TMEM254: variants seen among roughly 807,000 people sequenced by gnomAD.
The protein encoded by TMEM254 is transmembrane protein 254, also known as transmembrane protein C10orf57.
In TMEM254, 16 loss-of-function variants were observed where a neutral mutation model predicts 13.9. The observed-to-expected ratio is 1.15, with a 90% CI of 0.78 to 1.75. The LOEUF is 1.75. Among genes scored for constraint, TMEM254 ranks in the 40% most tolerant of loss-of-function variants. The probability of loss-of-function intolerance (pLI) is 0.00; values close to 1 mark genes in which losing one functional copy is unlikely to be tolerated. For synonymous variants in TMEM254, 61 were observed against 56.4 expected, an observed-to-expected ratio of 1.08 and a Z score of -0.36; for missense variants, 155 against 149.0, an observed-to-expected ratio of 1.04 and a Z score of -0.21.
chr10:80,078,785 C>G lies in TMEM254; in HGVS notation c.86C>G (p.Thr29Arg), dbSNP rs200326310. 4.4e-4 allele frequency: 701 copies of G among 1,600,338 alleles called. 2 individuals are homozygous for G. In the Middle Eastern group the frequency reaches 7.9e-3, roughly 18 times the overall value. Residue 29 changes from threonine (T) to arginine (R), a missense_variant and splice_region_variant, in exon 1 of 4, where the codon ACA (threonine) becomes AGA (arginine). Physicochemically the swap from Thr to Arg is moderately conservative, Grantham distance 71. Coordinates refer to ENST00000372281, the MANE Select transcript of TMEM254 (RefSeq NM_025125.4). ...ATCACCCTCAGCTTTGGCTACTACACAGTAAGGACAGCCGCTGGAGCGCTA... is the reference window on the plus strand; with the variant it reads ...ATCACCCTCAGCTTTGGCTACTACAGAGTAAGGACAGCCGCTGGAGCGCTA... ...TVITLSFGYYTWVVFWPQSIP... is the reference protein window; with the variant it reads ...TVITLSFGYYRWVVFWPQSIP...
At position 80,078,748 on chromosome 10, in the gene TMEM254, T is replaced by C. The variant is rs889184646; in HGVS notation, c.49T>C (p.Trp17Arg). 2.0e-5 allele frequency: 32 copies of C among 1,608,996 alleles called. No individual in the cohort carries two copies. Among genetic ancestry groups the C allele is most frequent in the Non-Finnish European group, 2.6e-5 (31 of 1,178,116 alleles). ...ATYFQRGSLF[W>R]FTVITLSFGY... ...CTACTTTCAGCGAGGCAGTCTGTTC[T>C]GGTTCACAGTCATCACCCTCAGCTT... Residue 17 changes from tryptophan (W) to arginine (R), a missense_variant, in exon 1 of 4, where the codon TGG (tryptophan) becomes CGG (arginine). Physicochemically the swap from Trp to Arg is moderately radical, Grantham distance 101 (BLOSUM62 -3). Transcript: ENST00000372281.
intron 3 of TMEM254, among the ~76,000 whole-genome samples, chr10:80,087,549 A>T (rs1393713557): frequency 6.6e-6 from 1 of 151,708 alleles, no homozygotes; most frequent in Non-Finnish European, 1.5e-5. Context: ...GCTACTCAGG[A>T]GGCTGAGGTA....
intron 3 of TMEM254, among the ~76,000 whole-genome samples, chr10:80,082,782 GA>G (rs34417214): frequency 1.3e-5 from 2 of 152,048 alleles, no homozygotes; most frequent in South Asian, 2.1e-4. Context: ...GAGAATACAA[GA>G]AAAAATTATG....
At chr10:80,085,580 A>G (rs1442045779) in intron 3 of TMEM254, among the ~76,000 whole-genome samples, 2 of 151,660 alleles carry the variant, frequency 1.3e-5, no homozygotes, top group Non-Finnish European at 1.5e-5. Context: ...AAAAAAAAAG[A>G]CAAGAAAAAG....
intron 3 of TMEM254, among the ~76,000 whole-genome samples, chr10:80,083,993 G>A (rs1354088570): frequency 6.6e-6 from 1 of 152,126 alleles, no homozygotes; most frequent in African/African-American, 2.4e-5. Flanking sequence ...GCTGAGGCAC[G>A]AGAATCGCTT....
chr10:80,079,203 C>CGGGGGGG, intron 1 of TMEM254: 1 of 345,636 alleles, frequency 2.9e-6, no homozygotes, highest in Non-Finnish European at 5.1e-6. Context: ...TGGGGTGGGG[C>CGGGGGGG]GGGGCGGGCC....
intron 1 of TMEM254, chr10:80,079,372 C>T: frequency 8.6e-7 from 1 of 1,168,692 alleles, no homozygotes; most frequent in Non-Finnish European, 1.1e-6. Context: ...TCTTTGGGTC[C>T]TCACCTCTGC....
rs968865661 is a variant in TMEM254, at chr10:80,079,244, C to G, written c.87+458C>G. On this transcript the variant is annotated intron_variant, in intron 1 of 3. Coordinates refer to ENST00000372281, the MANE Select transcript of TMEM254 (RefSeq NM_025125.4). ...TTTGGCCCGCCGGGCCCTCGTAGGG[C>G]GAGGGGAGCTCTGGGAACGGGGCCT... 1.1e-5 allele frequency: 14 copies of G among 1,244,006 alleles called. No homozygotes were observed. The African/African-American group carries it at 2.1e-4, about 18-fold the overall frequency. 77.1% of individuals were successfully genotyped at this position (1,244,006 alleles called of 1,614,324 possible). A position where few individuals can be genotyped will look rare whatever the true frequency, so the allele number is the denominator to read the frequency against.
intron 3 of TMEM254, among the ~76,000 whole-genome samples, chr10:80,088,028 G>A (rs2132298358): frequency 6.6e-6 from 1 of 151,812 alleles, no homozygotes; most frequent in East Asian, 1.9e-4. Flanking sequence ...TCACATTTAA[G>A]TTTTCAGTCT....
chr10:80,087,229 C>A (rs1932575), intron 3 of TMEM254, among the ~76,000 whole-genome samples: 4 of 152,062 alleles, frequency 2.6e-5, no homozygotes, highest in Admixed American at 2.0e-4. Flanking sequence ...ACTTTTAAGT[C>A]TCTACTTTTT....
At chr10:80,086,189 A>C in intron 3 of TMEM254, 1 of 1,338,018 alleles carries the variant, frequency 7.5e-7, no homozygotes, top group Non-Finnish European at 9.9e-7. Context: ...ATGTGAATTA[A>C]ATTAAGAAAA....
chr10:80,079,186 T>A (rs1048805365), intron 1 of TMEM254: 1 of 1,214,336 alleles, frequency 8.2e-7, no homozygotes. Context: ...TACTTCGCGG[T>A]GAGGCGTGGG....
chr10:80,088,860 A>C (rs1479639000), intron 3 of TMEM254, among the ~76,000 whole-genome samples: 2 of 151,794 alleles, frequency 1.3e-5, no homozygotes, highest in African/African-American at 4.8e-5. Context: ...GGTCTCCCAA[A>C]GTGCTGGAAT....
Position 80,081,890 on chromosome 10 carries a change from TG to T in TMEM254, c.140del (p.Gly47AlafsTer24), listed in dbSNP as rs1564568284. 73 of 1,614,206 alleles carry T rather than the reference TG, an allele frequency of 4.5e-5. No homozygotes were observed. The highest frequency in any genetic ancestry group is 6.1e-5 in the Non-Finnish European group (72 of 1,180,018). On this transcript the variant is annotated frameshift_variant, in exon 2 of 4. Coordinates refer to ENST00000372281, the MANE Select transcript of TMEM254 (RefSeq NM_025125.4). LOFTEE classifies it high-confidence loss of function. ...ATCCCTTATCAGAACCTTGGGCCCC[TG>T]GGCCCCTTCACTCAGTACTTGGTGG... Reference protein sequence around the residue: ...QSIPYQNLGPLGPFTQYLVDH... With the variant: ...QSIPYQNLGPXGPFTQYLVDH...
intron 1 of TMEM254, 54 bp downstream of exon 1, chr10:80,078,840 C>A: frequency 1.3e-6 from 2 of 1,550,414 alleles, no homozygotes; most frequent in South Asian, 1.2e-5. Flanking sequence ...GCGCTCGGTT[C>A]ACCCCAGGAC....
At chr10:80,084,865 C>T (rs1029675424) in intron 3 of TMEM254, among the ~76,000 whole-genome samples, 4 of 151,908 alleles carry the variant, frequency 2.6e-5, no homozygotes, top group Non-Finnish European at 4.4e-5. Context: ...TTCGCTCTGT[C>T]GCCAGGCTGG....
chr10:80,078,693 T>A lies in TMEM254; in HGVS notation c.-7T>A. On this transcript the variant is annotated 5_prime_UTR_variant, in exon 1 of 4. Coordinates refer to ENST00000372281, the MANE Select transcript of TMEM254 (RefSeq NM_025125.4). ...CTGAAGCGCGCTCCCGGGGAGGTGTTGCAGCCATGGCTACGGCAGCCGGCG... is the reference window on the plus strand; with the variant it reads ...CTGAAGCGCGCTCCCGGGGAGGTGTAGCAGCCATGGCTACGGCAGCCGGCG... 1 of 1,596,072 alleles carries A rather than the reference T, an allele frequency of 6.3e-7. No individual in the cohort carries two copies. Among genetic ancestry groups the A allele is most frequent in the South Asian group, 1.1e-5 (1 of 88,886 alleles).
At chr10:80,078,816 T>TGACG in intron 1 of TMEM254, 30 bp downstream of exon 1, 2 of 1,575,252 alleles carry the variant, frequency 1.3e-6, no homozygotes. Flanking sequence ...CGCTACGGTC[T>TGACG]GACGAACGAG....
At chr10:80,086,270 A>C in intron 3 of TMEM254, 1 of 1,472,542 alleles carries the variant, frequency 6.8e-7, no homozygotes, top group Non-Finnish European at 9.0e-7. Flanking sequence ...TATGTGAATG[A>C]GAACAAGTTA....
Sources: gnomAD v4.1 joint callset for allele counts (sites outside exome capture counted in the v4.1 genomes callset) on GRCh38, gnomAD v4.1.1 for gene constraint, MANE v1.5 for transcripts, NCBI Gene and HGNC (gene_info 2026-07-23, HGNC 2026-07-21) for gene names.